The following RABGAP1L variants were observed in gnomAD, a reference collection of about 807,000 sequenced individuals.
The protein encoded by RABGAP1L is RAB GTPase activating protein 1 like, also known as rab GTPase-activating protein 1-like.
RABGAP1L carries 63 observed loss-of-function variants against 137.7 expected under a neutral mutation model. That is an observed-to-expected ratio of 0.46 (90% confidence interval 0.37 to 0.56). RABGAP1L has a LOEUF of 0.56. Among genes scored for constraint, RABGAP1L ranks in the 20% least tolerant of loss-of-function variants. The pLI, the probability that RABGAP1L is intolerant of heterozygous loss-of-function variation, is 0.00. For missense variants in RABGAP1L, 1,095 were observed against 1,244.0 expected (o/e 0.88, Z 1.80); for synonymous variants, 431 against 433.7 (o/e 0.99, Z 0.08).
intron 12 of RABGAP1L, among the ~76,000 whole-genome samples, chr1:174,374,341 G>C (rs1685343777): frequency 6.6e-6 from 1 of 152,030 alleles, no homozygotes; most frequent in Non-Finnish European, 1.5e-5. Flanking sequence ...CAGGGGCATA[G>C]TCTTCCGTTG....
At chr1:174,520,457 TAAC>T (rs1663262939) in intron 13 of RABGAP1L, among the ~76,000 whole-genome samples, 1 of 152,344 alleles carries the variant, frequency 6.6e-6, no homozygotes, top group African/African-American at 2.4e-5. Context: ...AAAAACTATT[TAAC>T]AACATCAAAT....
chr1:174,965,054 C>G, intron 20 of RABGAP1L: 1 of 1,195,714 alleles, frequency 8.4e-7, no homozygotes, highest in Non-Finnish European at 1.2e-6. Context: ...ATGCAGTATC[C>G]TCCTCCCAAA....
chr1:174,352,124 T>A (rs984728751), intron 11 of RABGAP1L, among the ~76,000 whole-genome samples: 2 of 152,146 alleles, frequency 1.3e-5, no homozygotes, highest in African/African-American at 4.8e-5. Flanking sequence ...TACTCTGTTA[T>A]TATCCCTTTG....
intron 17 of RABGAP1L, among the ~76,000 whole-genome samples, chr1:174,728,427 T>G (rs958809289): frequency 6.6e-6 from 1 of 151,924 alleles, no homozygotes; most frequent in Non-Finnish European, 1.5e-5. Context: ...AAGTGAAAGA[T>G]CTCTACAAGG....
chr1:174,431,509 C>G (rs577961510), intron 13 of RABGAP1L, among the ~76,000 whole-genome samples: 22 of 152,260 alleles, frequency 1.4e-4, no homozygotes, highest in Non-Finnish European at 3.2e-4. Flanking sequence ...TAACTGACAG[C>G]TTAAGCCTGA....
chr1:174,349,858 C>T (rs1374650148), intron 11 of RABGAP1L, among the ~76,000 whole-genome samples: 4 of 96,254 alleles, frequency 4.2e-5, no homozygotes, highest in South Asian at 3.8e-4. Context: ...CCGGGCGGGG[C>T]GCTGACCCCC....
chr1:174,343,014 C>T (rs778217974), intron 11 of RABGAP1L, among the ~76,000 whole-genome samples: 121 of 152,248 alleles, frequency 7.9e-4, no homozygotes, highest in Non-Finnish European at 1.4e-3. Flanking sequence ...GCTGGGATTA[C>T]AGGCATGAGC....
chr1:174,428,121 A>C (rs1286649275), intron 13 of RABGAP1L, among the ~76,000 whole-genome samples: 1 of 152,230 alleles, frequency 6.6e-6, no homozygotes, highest in Non-Finnish European at 1.5e-5. Flanking sequence ...AGTAAGCCAT[A>C]CATCATTTTT....
chr1:174,965,738 G>A (rs1669562510), intron 20 of RABGAP1L, among the ~76,000 whole-genome samples: 1 of 152,204 alleles, frequency 6.6e-6, no homozygotes, highest in Non-Finnish European at 1.5e-5. Context: ...GTCTGTGAGT[G>A]CAGAGCAGGA....
At chr1:174,644,286 C>G (rs1051236059) in intron 14 of RABGAP1L, among the ~76,000 whole-genome samples, 2 of 151,982 alleles carry the variant, frequency 1.3e-5, no homozygotes, top group African/African-American at 2.4e-5. Context: ...GTCTTAGTCC[C>G]TAAGAGCTTT....
At chr1:174,835,965 T>C (rs1252377525) in intron 19 of RABGAP1L, among the ~76,000 whole-genome samples, 3 of 152,234 alleles carry the variant, frequency 2.0e-5, no homozygotes, top group Non-Finnish European at 2.9e-5. Flanking sequence ...CCACCTTCAG[T>C]TGAAATTCCT....
At chr1:174,493,051 G>A (rs1660411211) in intron 13 of RABGAP1L, among the ~76,000 whole-genome samples, 1 of 151,104 alleles carries the variant, frequency 6.6e-6, no homozygotes, top group African/African-American at 2.4e-5. Flanking sequence ...CCCAGGCTTG[G>A]CATAATGTAT....
chr1:174,642,991 A>T (rs774372867), intron 14 of RABGAP1L, among the ~76,000 whole-genome samples: 1 of 151,978 alleles, frequency 6.6e-6, no homozygotes, highest in Non-Finnish European at 1.5e-5. Flanking sequence ...CACTATGTCA[A>T]TCAGGCTGCT....
chr1:174,410,191 ACTCTTT>A (rs936881775), intron 13 of RABGAP1L, among the ~76,000 whole-genome samples: 23 of 151,728 alleles, frequency 1.5e-4, no homozygotes, highest in African/African-American at 5.6e-4. Context: ...CTCTCTTTGT[ACTCTTT>A]CTCTTTATTT....
intron 18 of RABGAP1L, among the ~76,000 whole-genome samples, chr1:174,772,309 G>A (rs937773581): frequency 1.3e-5 from 2 of 152,034 alleles, no homozygotes; most frequent in Non-Finnish European, 2.9e-5. Context: ...TCAGGGCAGT[G>A]GCTCAGGCCT....
At chr1:174,833,420 GTGTA>G (rs1306419320) in intron 19 of RABGAP1L, among the ~76,000 whole-genome samples, 13 of 88,910 alleles carry the variant, frequency 1.5e-4, no homozygotes, top group African/African-American at 3.7e-4. Flanking sequence ...ATGTGTGTGT[GTGTA>G]TATATATATG....
At chr1:174,271,951 A>G (rs1489103356) in intron 7 of RABGAP1L, among the ~76,000 whole-genome samples, 2 of 151,984 alleles carry the variant, frequency 1.3e-5, no homozygotes, top group African/African-American at 4.8e-5. Context: ...GGCCAGGGTA[A>G]CAACAGTTTG....
intron 17 of RABGAP1L, among the ~76,000 whole-genome samples, chr1:174,746,634 A>G (rs1466266067): frequency 6.6e-6 from 1 of 152,216 alleles, no homozygotes; most frequent in African/African-American, 2.4e-5. Flanking sequence ...ATAATATCCA[A>G]ATAAGAGATT....
At chr1:174,857,484 A>G (rs1399798858) in intron 19 of RABGAP1L, among the ~76,000 whole-genome samples, 2 of 152,206 alleles carry the variant, frequency 1.3e-5, no homozygotes, top group Non-Finnish European at 2.9e-5. Context: ...TCTAAAGCCA[A>G]TTCCAATACT....
Sources: gnomAD v4.1 joint callset for allele counts (sites outside exome capture counted in the v4.1 genomes callset) on GRCh38, gnomAD v4.1.1 for gene constraint, MANE v1.5 for transcripts, NCBI Gene and HGNC (gene_info 2026-07-23, HGNC 2026-07-21) for gene names.